Variants in DDAH1 observed in about 807,000 individuals in gnomAD.
DDAH1 encodes N(G),N(G)-dimethylarginine dimethylaminohydrolase 1.
Under a neutral mutation model 28.8 loss-of-function variants are expected in DDAH1, and 19 were observed. The ratio of observed to expected loss-of-function variants is 0.66; its 90% CI spans 0.46 to 0.97. The LOEUF is 0.97. Ranked by LOEUF, DDAH1 falls within the 50% of genes least tolerant of loss-of-function variation. The pLI, the probability that DDAH1 is intolerant of heterozygous loss-of-function variation, is 0.00. For synonymous variants in DDAH1, 153 were observed against 154.4 expected, an observed-to-expected ratio of 0.99 and a Z score of 0.07; for missense variants, 326 against 375.9, an observed-to-expected ratio of 0.87 and a Z score of 1.10.
intron 1 of DDAH1, among the ~76,000 whole-genome samples, chr1:85,441,926 T>C (rs1654216739): frequency 1.3e-5 from 2 of 152,210 alleles, no homozygotes; most frequent in Non-Finnish European, 2.9e-5. Context: ...TTTTCATATA[T>C]ATTTTTTCAT....
At chr1:85,468,797 C>T (rs1008745811), upstream of DDAH1, among the ~76,000 whole-genome samples, 7 of 152,154 alleles carry the variant, frequency 4.6e-5, no homozygotes, top group East Asian at 1.9e-4. Flanking sequence ...GGATTACAGG[C>T]GTGAGCAACC....
chr1:85,351,167 ATTATAGGTG>A (rs1029874310), intron 3 of DDAH1, among the ~76,000 whole-genome samples: 2 of 149,018 alleles, frequency 1.3e-5, no homozygotes, highest in African/African-American at 5.0e-5. Flanking sequence ...AAGTGCTGGG[ATTATAGGTG>A]TGAGCCATCA....
chr1:85,411,253 T>G (rs1393311351), intron 1 of DDAH1, among the ~76,000 whole-genome samples: 1 of 152,238 alleles, frequency 6.6e-6, no homozygotes, highest in African/African-American at 2.4e-5. Flanking sequence ...TAAATTGTTA[T>G]GAATTGCCTG....
chr1:85,347,565 A>G (rs948607895), intron 4 of DDAH1, among the ~76,000 whole-genome samples: 5 of 151,446 alleles, frequency 3.3e-5, no homozygotes, highest in African/African-American at 7.3e-5. Context: ...GAATTGAACA[A>G]TGAGAACACT....
At chr1:85,495,411 C>T (rs1358287539) in intron 2 of DDAH1, 1 of 152,084 alleles carries the variant, frequency 6.6e-6, no homozygotes, top group Non-Finnish European at 1.5e-5. Flanking sequence ...TTGAAGTCAA[C>T]AATTAGTGCA....
chr1:85,379,341 T>C (rs754630085), intron 1 of DDAH1, among the ~76,000 whole-genome samples: 4 of 152,214 alleles, frequency 2.6e-5, no homozygotes, highest in Non-Finnish European at 5.9e-5. Context: ...GCAATAGCTA[T>C]AGTCAATAAT....
At chr1:85,562,149 G>T (rs1202410654) in intron 1 of DDAH1, among the ~76,000 whole-genome samples, 1 of 151,300 alleles carries the variant, frequency 6.6e-6, no homozygotes, top group African/African-American at 2.4e-5. Context: ...AGAACAAAAG[G>T]CCAAAAAATA....
intron 4 of DDAH1, among the ~76,000 whole-genome samples, chr1:85,339,061 AAAT>A (rs1195314986): frequency 4.1e-5 from 6 of 147,576 alleles, no homozygotes; most frequent in African/African-American, 1.3e-4. Context: ...AAAAAAAAAA[AAAT>A]ATATATATAT....
chr1:85,513,563 C>T (rs1267418034), intron 1 of DDAH1, among the ~76,000 whole-genome samples: 1 of 152,076 alleles, frequency 6.6e-6, no homozygotes, highest in African/African-American at 2.4e-5. Context: ...AGTGAACAGG[C>T]AACCTACAGA....
rs1661257182 is a variant in DDAH1 at position 85,320,043 on chromosome 1, T to C, written c.*1409A>G. 6.6e-6 allele frequency: 1 copy of C among 152,176 alleles called. No individual in the cohort carries two copies. The highest frequency in any genetic ancestry group is 2.4e-5 in the African/African-American group (1 of 41,442). 9.4% of individuals were successfully genotyped at this position (152,176 alleles called of 1,614,324 possible). A position where few individuals can be genotyped will look rare whatever the true frequency, so the allele number is the denominator to read the frequency against. On this transcript the variant is annotated 3_prime_UTR_variant, in exon 6 of 6. Transcript: ENST00000284031. ...CAAGCCACAGGCAATACAGGAAAGG[T>C]GGAGATGACTAGGAAGTGTGATAAT...
intron 1 of DDAH1, among the ~76,000 whole-genome samples, chr1:85,523,195 T>C (rs1243611397): frequency 6.6e-6 from 1 of 151,712 alleles, no homozygotes; most frequent in East Asian, 1.9e-4. Context: ...GCTGAGGGAA[T>C]ACCTGGAAGA....
At chr1:85,467,814 A>G (rs1355003692), upstream of DDAH1, among the ~76,000 whole-genome samples, 1 of 152,212 alleles carries the variant, frequency 6.6e-6, no homozygotes, top group Non-Finnish European at 1.5e-5. Flanking sequence ...TGCACTTCAG[A>G]GTCACAAAAG....
chr1:85,368,204 C>T (rs1650174348), intron 1 of DDAH1, among the ~76,000 whole-genome samples: 1 of 152,158 alleles, frequency 6.6e-6, no homozygotes, highest in Admixed American at 6.6e-5. Flanking sequence ...ACAATTGTTG[C>T]AGCTCTGTAT....
intron 1 of DDAH1, chr1:85,576,930 G>A (rs981928387): frequency 6.5e-6 from 1 of 153,110 alleles, no homozygotes; most frequent in Admixed American, 6.6e-5. Context: ...GCGGCCGCAA[G>A]CCTGCCAGGC....
chr1:85,567,624 TG>T (rs1320475588), intron 1 of DDAH1, among the ~76,000 whole-genome samples: 1 of 152,222 alleles, frequency 6.6e-6, no homozygotes, highest in Admixed American at 6.5e-5. Context: ...AGACTAATTA[TG>T]AAATGAAAGA....
chr1:85,515,608 C>T (rs532128050), intron 1 of DDAH1, among the ~76,000 whole-genome samples: 1 of 151,384 alleles, frequency 6.6e-6, no homozygotes, highest in East Asian at 1.9e-4. Context: ...AGTCAAGACT[C>T]ATCTCAAAGA....
At chr1:85,321,698 A>C in intron 5 of DDAH1, 130 bp from the exon 6 acceptor site, 1 of 715,768 alleles carries the variant, frequency 1.4e-6, no homozygotes, top group Non-Finnish European at 2.5e-6. Flanking sequence ...AGGCAGTCTC[A>C]ACCACACACA....
At chr1:85,540,378 G>A (rs1018834719) in intron 1 of DDAH1, among the ~76,000 whole-genome samples, 3 of 152,188 alleles carry the variant, frequency 2.0e-5, no homozygotes, top group Non-Finnish European at 4.4e-5. Context: ...AGACAACCAG[G>A]TTTCAAAGCC....
intron 1 of DDAH1, among the ~76,000 whole-genome samples, chr1:85,439,407 T>C (rs974012773): frequency 2.6e-5 from 4 of 152,264 alleles, no homozygotes; most frequent in African/African-American, 9.6e-5. Context: ...GCTTCCCAAG[T>C]GTCTGACACA....
Sources: allele counts gnomAD v4.1 joint callset (sites outside exome capture counted in the v4.1 genomes callset), GRCh38; gene constraint gnomAD v4.1.1; transcripts MANE v1.5; gene names NCBI Gene and HGNC (gene_info 2026-07-23, HGNC 2026-07-21).